Variants in POLR3E observed in about 807,000 individuals in gnomAD.
The protein encoded by POLR3E is RNA polymerase III subunit E.
POLR3E carries 41 observed loss-of-function variants against 96.6 expected under a neutral mutation model. The ratio of observed to expected loss-of-function variants is 0.42; its 90% CI spans 0.33 to 0.55. The LOEUF is 0.55. Among genes scored for constraint, POLR3E ranks in the 20% least tolerant of loss-of-function variants. POLR3E has a pLI of 0.06. For synonymous variants in POLR3E, 396 were observed against 383.6 expected (o/e 1.03, Z -0.38); for missense variants, 849 against 952.1 (o/e 0.89, Z 1.43).
In POLR3E at chr16:22,326,221, G is replaced by A. The variant is rs1049100379; in HGVS notation, c.1809G>A (p.Ser603=). The change falls in exon 18 of 21, where the codon TCG becomes TCA. Residue 603 remains serine, a synonymous_variant. Transcript: ENST00000299853. ...GCCACACACTCTTCAGCGGCATCTCGGACCGCATGCTACAGGACACGGTGC... is the reference window on the plus strand; with the variant it reads ...GCCACACACTCTTCAGCGGCATCTCAGACCGCATGCTACAGGACACGGTGC... ...PPGHTLFSGI[S]DRMLQDTVLA... 11 of 1,613,128 alleles carry A rather than the reference G, an allele frequency of 6.8e-6. No homozygotes were observed. Among genetic ancestry groups the A allele is most frequent in the South Asian group, 2.2e-5 (2 of 91,014 alleles).
chr16:22,325,545 G>T (rs1026458287), intron 17 of POLR3E, among the ~76,000 whole-genome samples: 1 of 152,288 alleles, frequency 6.6e-6, no homozygotes, highest in Admixed American at 6.5e-5. Context: ...GGGCCCGGAA[G>T]AGCTGCTGGG....
At chr16:22,330,393 T>C (rs754994813) in intron 19 of POLR3E, among the ~76,000 whole-genome samples, 5 of 152,216 alleles carry the variant, frequency 3.3e-5, no homozygotes, top group Non-Finnish European at 7.3e-5. Flanking sequence ...CCTTTACCTC[T>C]TTTTAATTGG....
chr16:22,332,259 A>C lies in POLR3E; in HGVS notation c.2070+74A>C, dbSNP rs1022127627. 3.6e-6 allele frequency: 5 copies of C among 1,393,204 alleles called. No homozygotes were observed. In the Admixed American group the frequency reaches 1.0e-4, roughly 29 times the overall value. 86.3% of individuals were successfully genotyped at this position (1,393,204 alleles called of 1,614,324 possible). A position where few individuals can be genotyped will look rare whatever the true frequency, so the allele number is the denominator to read the frequency against. On this transcript the variant is annotated intron_variant, in intron 20 of 20. Coordinates refer to ENST00000299853, the MANE Select transcript of POLR3E (RefSeq NM_018119.4). ...GCTGACAGTGTGTAGAAGGGACTCTAGTGTCTTTGTGTATATGAAATCAGG... is the reference window on the plus strand; with the variant it reads ...GCTGACAGTGTGTAGAAGGGACTCTCGTGTCTTTGTGTATATGAAATCAGG...
chr16:22,333,452 CA>C (rs1187205264), intron 20 of POLR3E, among the ~76,000 whole-genome samples, 191 bp from the exon 21 acceptor site: 2,447 of 102,774 alleles, frequency 0.024, 59 homozygotes, highest in African/African-American at 0.073. Context: ...AACTCTGTTT[CA>C]AAAAAAAAAA....
At chr16:22,324,087 T>TCCCG (rs1567326368) in intron 14 of POLR3E, among the ~76,000 whole-genome samples, 2 of 144,946 alleles carry the variant, frequency 1.4e-5, no homozygotes, top group African/African-American at 5.7e-5. Flanking sequence ...GGGCAGGGCA[T>TCCCG]CCCCAGGGAG....
chr16:22,309,448 CCTT>C lies in POLR3E; in HGVS notation c.305_307del (p.Phe102del), dbSNP rs1567312809. 1.2e-6 allele frequency: 2 copies of C among 1,613,312 alleles called. No homozygotes were observed. Among genetic ancestry groups the C allele is most frequent in the Non-Finnish European group, 1.7e-6 (2 of 1,179,414 alleles). On this transcript the variant is annotated inframe_deletion, in exon 6 of 21. Coordinates refer to ENST00000299853, the MANE Select transcript of POLR3E (RefSeq NM_018119.4). Reference sequence around the variant, plus strand: ...TCCAGGAAGCTGATGGACAAGCAGACCTTCTGCTCTTCCCAGACCACCAGTAAC... The same window carrying C: ...TCCAGGAAGCTGATGGACAAGCAGACCTGCTCTTCCCAGACCACCAGTAAC...
chr16:22,320,214 A>G (rs952944678), intron 13 of POLR3E, among the ~76,000 whole-genome samples: 1 of 152,070 alleles, frequency 6.6e-6, no homozygotes, highest in South Asian at 2.1e-4. Context: ...AATCTTCTCT[A>G]GTGTTCCAAT....
intron 9 of POLR3E, 35 bp downstream of exon 9, chr16:22,315,243 C>A (rs368981125): frequency 6.4e-7 from 1 of 1,555,418 alleles, no homozygotes; most frequent in Admixed American, 1.9e-5. Flanking sequence ...GGGGGAAACA[C>A]CTCGGTGCCC....
Position 22,308,234 on chromosome 16 carries a change from GC to G in POLR3E, c.165+14del. On this transcript the variant is annotated intron_variant, in intron 4 of 20. Transcript: ENST00000299853. The stretch of plus-strand genomic sequence containing the variant: ...AGCCCAAGCAGCAGAAGGTGGGGCT[GC>G]CCCCTGAGGGCAGTTGGGGCCGAAA... The G allele has an allele frequency of 3.1e-6, 5 of 1,607,140 alleles. No homozygotes were observed. The highest frequency in any genetic ancestry group is 4.3e-6 in the Non-Finnish European group (5 of 1,173,750).
Position 22,314,068 on chromosome 16 carries a change from C to CT in POLR3E, c.473-10dup, listed in dbSNP as rs1432501107. ...CCCAGGACTGCAGTCAGTGGCTTGT[C>CT]TCTCTTGCAGCAGGGGACTCTTCAC... On this transcript the variant is annotated splice_polypyrimidine_tract_variant and intron_variant, in intron 7 of 20. Transcript: ENST00000299853. 1 of 1,612,520 alleles carries CT rather than the reference C, an allele frequency of 6.2e-7. No homozygotes were observed. The highest frequency in any genetic ancestry group is 1.7e-5 in the Admixed American group (1 of 59,914).
chr16:22,318,963 A>T lies in POLR3E; in HGVS notation c.986+17A>T, dbSNP rs1054386665. 7 of 1,554,628 alleles carry T rather than the reference A, an allele frequency of 4.5e-6. No homozygotes were observed. Among genetic ancestry groups the T allele is most frequent in the Non-Finnish European group, 6.1e-6 (7 of 1,148,858 alleles). ...GGTGAAGAGGTAAGTTGCTTTTTTT[A>T]TTTTTTATTTTTATTTATTTTTTTC... On this transcript the variant is annotated intron_variant, in intron 13 of 20. Coordinates refer to ENST00000299853, the MANE Select transcript of POLR3E (RefSeq NM_018119.4). This position sits in a 1 kb window ranked among gnomAD's most constrained non-coding sequence, Gnocchi z 5.0.
rs775035636 is a variant in POLR3E, at chr16:22,324,497, C to T, written c.1129-6C>T. ...TGTGCCTCACGCTGGGCCCCCTCCCCTCCAGCTCTGCGCCGAGGATGTGAA... is the reference window on the plus strand; with the variant it reads ...TGTGCCTCACGCTGGGCCCCCTCCCTTCCAGCTCTGCGCCGAGGATGTGAA... On this transcript the variant is annotated splice_region_variant and splice_polypyrimidine_tract_variant and intron_variant, in intron 15 of 20. Coordinates refer to ENST00000299853, the MANE Select transcript of POLR3E (RefSeq NM_018119.4). The T allele has an allele frequency of 9.9e-6, 16 of 1,611,156 alleles. No individual in the cohort carries two copies. In the East Asian group the frequency reaches 1.1e-4, roughly 11 times the overall value.
intron 19 of POLR3E, chr16:22,329,012 GGA>G (rs928321773): frequency 1.3e-4 from 26 of 201,358 alleles, no homozygotes; most frequent in Admixed American, 6.5e-4. Flanking sequence ...CTTGAACCTG[GGA>G]GAGAGAGGTT....
At chr16:22,323,496 T>C (rs2048513098) in intron 14 of POLR3E, among the ~76,000 whole-genome samples, 1 of 152,110 alleles carries the variant, frequency 6.6e-6, no homozygotes, top group African/African-American at 2.4e-5. Flanking sequence ...GGCTTGGTGC[T>C]GGCTGAAACG....
chr16:22,322,170 G>T lies in POLR3E; in HGVS notation c.987-680G>T, dbSNP rs1431221524. ...ATGAGTGACAGTTGGTTGCCAGGTGGACCTGAGCAGGGGGAGGAGGAGGGC... is the reference window on the plus strand; with the variant it reads ...ATGAGTGACAGTTGGTTGCCAGGTGTACCTGAGCAGGGGGAGGAGGAGGGC... On this transcript the variant is annotated intron_variant, in intron 13 of 20. Transcript: ENST00000299853. This position sits in a 1 kb window ranked among gnomAD's most constrained non-coding sequence, Gnocchi z 5.2. Among the ~76,000 whole-genome samples the T allele has an allele frequency of 3.3e-5, 5 of 152,220 alleles. No individual in the cohort carries two copies. Among genetic ancestry groups the T allele is most frequent in the Admixed American group, 3.3e-4 (5 of 15,286 alleles).
intron 1 of POLR3E, chr16:22,302,557 C>CCT: frequency 5.6e-6 from 1 of 177,932 alleles, no homozygotes. Flanking sequence ...TCCCCAGGGC[C>CCT]CTCAGTTCTC....
chr16:22,306,672 G>A (rs1017476746), intron 3 of POLR3E, among the ~76,000 whole-genome samples: 1 of 152,234 alleles, frequency 6.6e-6, no homozygotes, highest in Non-Finnish European at 1.5e-5. Context: ...TATAAATAAT[G>A]CCACTGTGGA....
At chr16:22,321,521 T>C (rs1283152190) in intron 13 of POLR3E, among the ~76,000 whole-genome samples, 2 of 152,226 alleles carry the variant, frequency 1.3e-5, no homozygotes, top group African/African-American at 2.4e-5. Flanking sequence ...GCGCATCGCG[T>C]ATTACATAGG....
chr16:22,299,903 G>C (rs1228915545), intron 1 of POLR3E, among the ~76,000 whole-genome samples: 1 of 151,808 alleles, frequency 6.6e-6, no homozygotes, highest in East Asian at 1.9e-4. Context: ...GGGGGGCGGG[G>C]GGCGCCTCAC....
Sources: gnomAD v4.1 joint callset for allele counts (sites outside exome capture counted in the v4.1 genomes callset) on GRCh38, gnomAD v4.1.1 for gene constraint, Gnocchi (gnomAD v3.1) non-coding constraint, MANE v1.5 for transcripts, NCBI Gene and HGNC (gene_info 2026-07-23, HGNC 2026-07-21) for gene names.